Variants in TNS3 observed in about 807,000 individuals in gnomAD.
TNS3 encodes the protein tensin 3.
A neutral mutation model predicts 140.9 loss-of-function variants in TNS3; 45 were observed. That is an observed-to-expected ratio of 0.32 (90% confidence interval 0.25 to 0.41). The LOEUF (loss-of-function observed/expected upper bound fraction) is 0.41, where lower values mean the gene tolerates loss of function less well. TNS3 is among the 10% of genes least tolerant of loss of function. The probability of loss-of-function intolerance (pLI) is 1.00; values close to 1 mark genes in which losing one functional copy is unlikely to be tolerated. For missense variants in TNS3, 1,716 were observed against 1,906.7 expected (o/e 0.90, Z 1.86); for synonymous variants, 815 against 788.4 (o/e 1.03, Z -0.56).
chr7:47,511,594 C>A (rs1158076072), intron 2 of TNS3, among the ~76,000 whole-genome samples: 1 of 151,678 alleles, frequency 6.6e-6, no homozygotes, highest in Non-Finnish European at 1.5e-5. Flanking sequence ...CAGTGGGTGC[C>A]CGAGACCCGC....
At chr7:47,439,409 T>C (rs1274807524) in intron 6 of TNS3, 78 bp downstream of exon 6, 14 of 1,491,518 alleles carry the variant, frequency 9.4e-6, no homozygotes, top group South Asian at 1.3e-5. Flanking sequence ...TGTAAACCAG[T>C]GTTCTGTGAG....
At chr7:47,554,200 C>T (rs1479092024) in intron 1 of TNS3, among the ~76,000 whole-genome samples, 1 of 151,124 alleles carries the variant, frequency 6.6e-6, no homozygotes, top group Non-Finnish European at 1.5e-5. Context: ...GGGTAGATCA[C>T]CTGAGGTCAG....
chr7:47,306,442 T>C (rs1786757797), intron 20 of TNS3, among the ~76,000 whole-genome samples: 1 of 152,236 alleles, frequency 6.6e-6, no homozygotes, highest in South Asian at 2.1e-4. Context: ...CAAGACAGAA[T>C]GAACATTCTA....
intron 20 of TNS3, among the ~76,000 whole-genome samples, chr7:47,323,972 A>G (rs1165201130): frequency 2.6e-5 from 4 of 152,220 alleles, no homozygotes; most frequent in African/African-American, 9.7e-5. Context: ...TTCTACTAAG[A>G]ATTTATTTGA....
intron 5 of TNS3, among the ~76,000 whole-genome samples, chr7:47,440,766 A>C (rs1714373928): frequency 1.3e-5 from 2 of 152,230 alleles, no homozygotes. Flanking sequence ...CATGAGGTAA[A>C]GCCAGAGGCA....
At position 47,368,375 on chromosome 7, in the gene TNS3, G is replaced by A. The variant is rs373110561; in HGVS notation, c.2271C>T (p.Thr757=). ...PDTGEGPSRA[T]GRQGSSAEQP... ...GGAGACCCAGCTCACCTTGCCGCCC[G>A]GTGGCCCTGCTGGGGCCCTCTCCTG... Residue 757 remains threonine, a synonymous_variant, in exon 17 of 31, where the codon ACC becomes ACT. Coordinates refer to ENST00000311160, the MANE Select transcript of TNS3 (RefSeq NM_022748.12). 22 of 1,484,792 alleles carry A rather than the reference G, an allele frequency of 1.5e-5. No individual in the cohort carries two copies. Among genetic ancestry groups the A allele is most frequent in the Middle Eastern group, 2.0e-4 (1 of 5,084 alleles). The allele number at this position is 1,484,792 out of a possible 1,614,324, so 92.0% of individuals were successfully genotyped here. A position where few individuals can be genotyped will look rare whatever the true frequency, so the allele number is the denominator to read the frequency against.
At chr7:47,512,426 C>T (rs1161566092) in intron 2 of TNS3, among the ~76,000 whole-genome samples, 1 of 152,208 alleles carries the variant, frequency 6.6e-6, no homozygotes, top group Non-Finnish European at 1.5e-5. Flanking sequence ...AGATTCCTCT[C>T]TGCCATGAAA....
At chr7:47,379,634 A>G (rs936426663) in intron 16 of TNS3, among the ~76,000 whole-genome samples, 3 of 152,096 alleles carry the variant, frequency 2.0e-5, no homozygotes, top group African/African-American at 7.2e-5. Context: ...AATAAACTCT[A>G]CTCTGTAGGG....
intron 17 of TNS3, among the ~76,000 whole-genome samples, chr7:47,355,079 A>G (rs2151054424): frequency 6.6e-6 from 1 of 152,294 alleles, no homozygotes; most frequent in East Asian, 1.9e-4. Context: ...CTCATTTAGC[A>G]GTCTCACTGT....
rs979551504 is a variant in TNS3 at position 47,303,583 on chromosome 7, A to G, written c.2824T>C (p.Ser942Pro). 3 of 1,587,318 alleles carry G rather than the reference A, an allele frequency of 1.9e-6. No homozygotes were observed. Among genetic ancestry groups the G allele is most frequent in the Non-Finnish European group, 2.6e-6 (3 of 1,172,750 alleles). Residue 942 changes from serine to proline, a missense_variant and splice_region_variant, in exon 22 of 31, where the codon TCC becomes CCC. Ser to Pro is a moderately conservative substitution (Grantham distance 74). Around this residue, in one of 3 missense-constraint regions of TNS3, gnomAD observed 1,163 missense variants for 1,182.1 expected, o/e 0.98. Coordinates refer to ENST00000311160, the MANE Select transcript of TNS3 (RefSeq NM_022748.12). ...ACCCACTGGCGTTCTGCAGAAGAGG[A>G]GCTGTTCAAAAGACAAGCCGACCAA... ...SNGPGQRRES[S>P]SSAERQWVES...
chr7:47,501,303 G>A (rs1798216039), intron 3 of TNS3, among the ~76,000 whole-genome samples: 1 of 152,142 alleles, frequency 6.6e-6, no homozygotes, highest in African/African-American at 2.4e-5. Context: ...ACCATATGAA[G>A]AAAGGCCACT....
intron 3 of TNS3, among the ~76,000 whole-genome samples, chr7:47,487,610 G>A (rs926127063): frequency 1.3e-5 from 2 of 152,162 alleles, no homozygotes; most frequent in African/African-American, 4.8e-5. Context: ...ACAGCATTCA[G>A]GTGCAAAACA....
chr7:47,278,873 C>T (rs1176666799), intron 30 of TNS3: 1 of 152,216 alleles, frequency 6.6e-6, no homozygotes, highest in Non-Finnish European at 1.5e-5. Context: ...ACAATAATGA[C>T]CATATCCCTA....
At chr7:47,557,186 C>G (rs991676811) in intron 1 of TNS3, 7 of 455,278 alleles carry the variant, frequency 1.5e-5, no homozygotes, top group African/African-American at 1.2e-4. Flanking sequence ...TCCTTAAGAC[C>G]AACAGTGCGT....
At chr7:47,486,248 G>A (rs983706626) in intron 3 of TNS3, among the ~76,000 whole-genome samples, 12 of 152,094 alleles carry the variant, frequency 7.9e-5, no homozygotes, top group African/African-American at 2.9e-4. Context: ...TAGGGGGTGT[G>A]AGCGTGTGTG....
At position 47,427,503 on chromosome 7, in the gene TNS3, C is replaced by A. The variant is rs375072625; in HGVS notation, c.389+809G>T. On this transcript the variant is annotated intron_variant, in intron 9 of 30. Coordinates refer to ENST00000311160, the MANE Select transcript of TNS3 (RefSeq NM_022748.12). Reference sequence around the variant, plus strand: ...GGCCATTGAGAAGACAGGGCAGATGCAAATGTAGACCCCATAAATAATATT... The same window carrying A: ...GGCCATTGAGAAGACAGGGCAGATGAAAATGTAGACCCCATAAATAATATT... Among the ~76,000 whole-genome samples, 4 of 152,180 alleles carry A rather than the reference C, an allele frequency of 2.6e-5. No homozygotes were observed. In the South Asian group the frequency reaches 8.3e-4, roughly 32 times the overall value.
At chr7:47,343,883 T>C (rs868567628) in intron 20 of TNS3, among the ~76,000 whole-genome samples, 3 of 152,280 alleles carry the variant, frequency 2.0e-5, no homozygotes, top group Middle Eastern at 3.4e-3. Flanking sequence ...TTCTATTACA[T>C]AGTCCACAGG....
At chr7:47,504,445 C>T (rs1307059418) in intron 3 of TNS3, among the ~76,000 whole-genome samples, 1 of 152,198 alleles carries the variant, frequency 6.6e-6, no homozygotes, top group Non-Finnish European at 1.5e-5. Flanking sequence ...TAGACACAGG[C>T]GCAAGTGCTC....
chr7:47,426,318 T>G (rs1163965342), intron 9 of TNS3, among the ~76,000 whole-genome samples: 1 of 152,154 alleles, frequency 6.6e-6, no homozygotes, highest in Admixed American at 6.6e-5. Context: ...GCAACTTGGA[T>G]AGGCAAAATC....
Sources: gnomAD v4.1 joint callset for allele counts (sites outside exome capture counted in the v4.1 genomes callset) on GRCh38, gnomAD v4.1.1 for gene constraint, gnomAD v4.1.1 regional missense constraint, MANE v1.5 for transcripts, NCBI Gene and HGNC (gene_info 2026-07-23, HGNC 2026-07-21) for gene names.